FSTL4: variants seen among roughly 807,000 people sequenced by gnomAD.
FSTL4 encodes the protein follistatin like 4.
A neutral mutation model predicts 78.2 loss-of-function variants in FSTL4; 28 were observed. The observed-to-expected ratio is 0.36, with a 90% CI of 0.27 to 0.49. The LOEUF is 0.49. FSTL4 is among the 20% of genes least tolerant of loss of function. The pLI, the probability that FSTL4 is intolerant of heterozygous loss-of-function variation, is 0.98. For synonymous variants in FSTL4, 422 were observed against 440.5 expected, an observed-to-expected ratio of 0.96 and a Z score of 0.53; for missense variants, 922 against 1,084.9, an observed-to-expected ratio of 0.85 and a Z score of 2.11.
chr5:133,720,378 T>C, the FSTL4 span: 1 of 152,300 alleles, frequency 6.6e-6, no homozygotes, highest in East Asian at 1.9e-4. Context: ...CATATTTTCA[T>C]TGAAAATGAT....
intron 4 of FSTL4, among the ~76,000 whole-genome samples, chr5:133,328,539 C>T (rs981284245): frequency 3.3e-5 from 5 of 152,196 alleles, no homozygotes; most frequent in African/African-American, 9.6e-5. Context: ...AATGCTAAAG[C>T]TCTCCTGGTA....
rs143313289 is a variant in FSTL4, at chr5:133,201,250, G to A, written c.1826+683C>T. ...GTGGTAAGTTTACAGAAGATATTGG[G>A]GGCTCTCTGAAGTGAATACGGATGG... On this transcript the variant is annotated intron_variant, in intron 15 of 15. Coordinates refer to ENST00000265342, the MANE Select transcript of FSTL4 (RefSeq NM_015082.2). Among the ~76,000 whole-genome samples, 33 of 152,292 alleles carry A rather than the reference G, an allele frequency of 2.2e-4. No homozygotes were observed. The East Asian group carries it at 6.0e-3, about 28-fold the overall frequency.
intron 3 of FSTL4, among the ~76,000 whole-genome samples, chr5:133,468,848 A>G (rs1757763563): frequency 6.6e-6 from 1 of 152,190 alleles, no homozygotes; most frequent in Non-Finnish European, 1.5e-5. Context: ...AACATGCAGA[A>G]TGACCTATAC....
the FSTL4 span, among the ~76,000 whole-genome samples, chr5:133,838,906 T>C: frequency 6.6e-6 from 1 of 152,184 alleles, no homozygotes; most frequent in Non-Finnish European, 1.5e-5. Flanking sequence ...ATCACACGCA[T>C]GGGCACACAG....
intron 4 of FSTL4, among the ~76,000 whole-genome samples, chr5:133,393,009 C>T (rs931731443): frequency 1.3e-5 from 2 of 152,336 alleles, no homozygotes; most frequent in East Asian, 3.8e-4. Context: ...AAGACAGTTC[C>T]TTGCATAAAA....
At chr5:133,666,965 C>A in the FSTL4 span, among the ~76,000 whole-genome samples, 1 of 152,146 alleles carries the variant, frequency 6.6e-6, no homozygotes, top group Non-Finnish European at 1.5e-5. Context: ...TGATGATGAT[C>A]CCCAAATTTC....
At chr5:133,265,157 C>T (rs1752616675) in intron 6 of FSTL4, among the ~76,000 whole-genome samples, 1 of 152,052 alleles carries the variant, frequency 6.6e-6, no homozygotes, top group African/African-American at 2.4e-5. Flanking sequence ...AGGCCCCGTC[C>T]CCCCACATCA....
chr5:133,796,753 C>T, the FSTL4 span, among the ~76,000 whole-genome samples: 1 of 152,040 alleles, frequency 6.6e-6, no homozygotes, highest in Admixed American at 6.5e-5. Context: ...GGATAGGGGG[C>T]ATGGTGGGCC....
chr5:133,762,821 C>G, the FSTL4 span, among the ~76,000 whole-genome samples: 3 of 152,224 alleles, frequency 2.0e-5, no homozygotes, highest in African/African-American at 7.2e-5. Context: ...CCCTCTCTCT[C>G]TCTATCCCTC....
intron 13 of FSTL4, among the ~76,000 whole-genome samples, chr5:133,213,383 G>C (rs1032066088): frequency 6.6e-6 from 1 of 151,860 alleles, no homozygotes; most frequent in African/African-American, 2.4e-5. Flanking sequence ...AAGCAAAGTT[G>C]GTGTTAGAAC....
At chr5:133,231,988 G>A (rs1351579447) in intron 8 of FSTL4, among the ~76,000 whole-genome samples, 1 of 152,214 alleles carries the variant, frequency 6.6e-6, no homozygotes, top group Non-Finnish European at 1.5e-5. Context: ...AGTAGCATGC[G>A]GGAGTAATAA....
chr5:133,238,041 A>G (rs1751714228), intron 7 of FSTL4, among the ~76,000 whole-genome samples: 1 of 152,222 alleles, frequency 6.6e-6, no homozygotes, highest in Admixed American at 6.5e-5. Flanking sequence ...GCCCTTAATA[A>G]AGAACACAAT....
chr5:133,748,586 A>C, the FSTL4 span, among the ~76,000 whole-genome samples: 1 of 151,768 alleles, frequency 6.6e-6, no homozygotes, highest in Non-Finnish European at 1.5e-5. Flanking sequence ...CACACACACA[A>C]AATAAGACAA....
chr5:133,528,452 C>T (rs1401395959), intron 3 of FSTL4, among the ~76,000 whole-genome samples: 1 of 152,064 alleles, frequency 6.6e-6, no homozygotes, highest in African/African-American at 2.4e-5. Context: ...TGGTTAGATG[C>T]CCTGTCCTTG....
chr5:133,298,392 G>A (rs1007611190), intron 6 of FSTL4, among the ~76,000 whole-genome samples: 10 of 152,212 alleles, frequency 6.6e-5, no homozygotes, highest in African/African-American at 2.4e-4. Flanking sequence ...CATCGTGGGT[G>A]GGCTTCCCCA....
the FSTL4 span, among the ~76,000 whole-genome samples, chr5:133,649,928 C>CAA: frequency 2.0e-3 from 298 of 146,352 alleles, 1 homozygote; most frequent in South Asian, 7.5e-3. Context: ...TAATTTATCA[C>CAA]AAAAAAAAAA....
chr5:133,538,256 C>G (rs948965551), intron 3 of FSTL4, among the ~76,000 whole-genome samples: 1 of 152,076 alleles, frequency 6.6e-6, no homozygotes, highest in Non-Finnish European at 1.5e-5. Context: ...AGGGTACAGG[C>G]AAGTTATTTT....
chr5:133,742,128 C>T, the FSTL4 span, among the ~76,000 whole-genome samples: 3 of 152,204 alleles, frequency 2.0e-5, no homozygotes, highest in Non-Finnish European at 2.9e-5. Context: ...TTACCCTTGG[C>T]GGGTCCACAT....
At chr5:133,776,243 C>G in the FSTL4 span, among the ~76,000 whole-genome samples, 1 of 152,162 alleles carries the variant, frequency 6.6e-6, no homozygotes, top group African/African-American at 2.4e-5. Context: ...TGGGAGGTAC[C>G]AGCAGCCAGA....
Sources: allele counts gnomAD v4.1 joint callset (sites outside exome capture counted in the v4.1 genomes callset), GRCh38; gene constraint gnomAD v4.1.1; transcripts MANE v1.5; gene names NCBI Gene and HGNC (gene_info 2026-07-23, HGNC 2026-07-21).